Variants in TEKT4 observed in about 807,000 individuals in gnomAD.
TEKT4 encodes the protein tektin-4.
A neutral mutation model predicts 46.0 loss-of-function variants in TEKT4; 46 were observed. The ratio of observed to expected loss-of-function variants is 1.00; its 90% CI spans 0.79 to 1.28. The LOEUF is 1.28. Ranked by LOEUF, TEKT4 falls within the 50% of genes most tolerant of loss-of-function variation. The pLI, the probability that TEKT4 is intolerant of heterozygous loss-of-function variation, is 0.00. For synonymous variants in TEKT4, 325 were observed against 265.8 expected (o/e 1.22, Z -2.17); for missense variants, 790 against 622.9 (o/e 1.27, Z -2.85).
Position 94,871,994 on chromosome 2 carries a change from A to G in TEKT4, c.415A>G (p.Ile139Val), listed in dbSNP as rs1680591497. 5.6e-6 allele frequency: 9 copies of G among 1,599,062 alleles called. No homozygotes were observed. Among genetic ancestry groups the G allele is most frequent in the Admixed American group, 1.7e-5 (1 of 58,730 alleles). The change falls in exon 1 of 6, where the codon ATC becomes GTC. Residue 139 changes from isoleucine to valine, a missense_variant. Physicochemically the swap from Ile to Val is conservative, Grantham distance 29 (BLOSUM62 3). Transcript: ENST00000295201. ...GGACGCCACAGAGGTGCCCTTCTCC[A>G]TCACCACTGACAACCTGCAGTGCCG... ...ALDATEVPFS[I>V]TTDNLQCRER...
At position 94,876,534 on chromosome 2, in the gene TEKT4, AC is replaced by A. The variant is rs529845717; in HGVS notation, c.1092-12del. The A allele has an allele frequency of 2.4e-5, 38 of 1,587,830 alleles. 1 individual carries two copies. The Admixed American group carries it at 3.9e-4, about 16-fold the overall frequency. Reference sequence around the variant, plus strand: ...TCTGCCCTCCCTAGCCCCGGCTCACACCCCCCCAACACCCCCAGGCTGTTGA... The same window carrying A: ...TCTGCCCTCCCTAGCCCCGGCTCACACCCCCCAACACCCCCAGGCTGTTGA... On this transcript the variant is annotated intron_variant, in intron 5 of 5. Coordinates refer to ENST00000295201, the MANE Select transcript of TEKT4 (RefSeq NM_144705.4).
chr2:94,874,144 T>C (rs781826605), intron 3 of TEKT4, 36 bp downstream of exon 3: 1 of 1,601,616 alleles, frequency 6.2e-7, no homozygotes, highest in East Asian at 2.2e-5. Context: ...TTGCCCTGGC[T>C]GTGGTCTCGC....
chr2:94,872,126 G>GT, intron 1 of TEKT4, 49 bp downstream of exon 1: 1 of 1,347,298 alleles, frequency 7.4e-7, no homozygotes, highest in Non-Finnish European at 9.8e-7. Context: ...GAGAGGAGGA[G>GT]CCCCCCCCCC....
chr2:94,875,443 C>T, intron 4 of TEKT4, 145 bp from the exon 5 acceptor site: 4 of 1,244,084 alleles, frequency 3.2e-6, no homozygotes, highest in Middle Eastern at 2.9e-4. Context: ...GCACATTGTT[C>T]CCCTCATCCA....
intron 1 of TEKT4, chr2:94,872,811 C>T: frequency 1.6e-6 from 2 of 1,289,262 alleles, no homozygotes; most frequent in African/African-American, 1.5e-5. Context: ...CTTTACCCTT[C>T]TGCAGGCCCT....
rs1680653565 is a variant in TEKT4 at position 94,873,128 on chromosome 2, C to A, written c.499-392C>A. On this transcript the variant is annotated intron_variant, in intron 1 of 5. Coordinates refer to ENST00000295201, the MANE Select transcript of TEKT4 (RefSeq NM_144705.4). ...AGATGGCCTTTCCCAGCACAGAGCC[C>A]TGAGGGGCAGCCTGGGCGGGCATCT... The A allele has an allele frequency of 4.1e-6, 5 of 1,226,728 alleles. No homozygotes were observed. The South Asian group carries it at 7.5e-5, about 18-fold the overall frequency. The allele number at this position is 1,226,728 out of a possible 1,614,324, so 76.0% of individuals were successfully genotyped here.
intron 1 of TEKT4, chr2:94,872,924 C>T (rs1443641987): frequency 2.0e-5 from 26 of 1,289,312 alleles, no homozygotes; most frequent in African/African-American, 3.0e-5. Context: ...TGACAGTGCA[C>T]GGAGAGGCAA....
rs782586318 is a variant in TEKT4 at position 94,871,537 on chromosome 2, C to G, written c.-43C>G. 7.2e-6 allele frequency: 11 copies of G among 1,533,506 alleles called. No homozygotes were observed. The South Asian group carries it at 1.4e-4, about 19-fold the overall frequency. The allele number at this position is 1,533,506 out of a possible 1,614,324, so 95.0% of individuals were successfully genotyped here. On this transcript the variant is annotated 5_prime_UTR_variant, in exon 1 of 6. Transcript: ENST00000295201. ...TAGGCTGACCGCAACCGGCTGACCACACACAGTCCTCACTCCCCTGGCCCT... is the reference window on the plus strand; with the variant it reads ...TAGGCTGACCGCAACCGGCTGACCAGACACAGTCCTCACTCCCCTGGCCCT...
rs2104091682 is a variant in TEKT4, at chr2:94,871,431, G to A, written c.-149G>A. 2 of 1,006,852 alleles carry A rather than the reference G, an allele frequency of 2.0e-6. No individual in the cohort carries two copies. Among genetic ancestry groups the A allele is most frequent in the East Asian group, 2.6e-5 (1 of 37,860 alleles). 62.4% of individuals were successfully genotyped at this position (1,006,852 alleles called of 1,614,324 possible). A position where few individuals can be genotyped will look rare whatever the true frequency, so the allele number is the denominator to read the frequency against. On this transcript the variant is annotated 5_prime_UTR_variant, in exon 1 of 6. Transcript: ENST00000295201. ...GTTTCTTGGCAACAGGAAGCTCTTG[G>A]TTTACACAGTGTCACCCAAGCGACT...
intron 1 of TEKT4, chr2:94,872,874 T>A (rs1311109989): frequency 1.3e-5 from 17 of 1,289,024 alleles, no homozygotes; most frequent in Non-Finnish European, 1.7e-5. Flanking sequence ...CCGCAAACTC[T>A]CTGCCCGCAA....
rs1430916618 is a variant in TEKT4, at chr2:94,874,953, G to C, written c.891G>C (p.Glu297Asp). ...AVNLAFGRRCEELEDARYKLH... is the reference protein window; with the variant it reads ...AVNLAFGRRCDELEDARYKLH... ...ACCTGGCCTTCGGGCGCCGCTGTGA[G>C]GAGCTGGAGGACGCGCGGTACAAGC... Residue 297 changes from glutamate (E) to aspartate (D), a missense_variant, in exon 4 of 6, where the codon GAG becomes GAC. Transcript: ENST00000295201. The C allele has an allele frequency of 1.9e-6, 3 of 1,611,266 alleles. No individual in the cohort carries two copies. Among genetic ancestry groups the C allele is most frequent in the African/African-American group, 2.7e-5 (2 of 74,868 alleles).
chr2:94,874,311 G>A (rs1202733572), intron 3 of TEKT4, among the ~76,000 whole-genome samples: 1 of 152,216 alleles, frequency 6.6e-6, no homozygotes, highest in African/African-American at 2.4e-5. Flanking sequence ...GCTGCCGGCA[G>A]ACAGGACAGA....
chr2:94,876,637 C>T lies in TEKT4; in HGVS notation c.1176C>T (p.Asn392=). The T allele has an allele frequency of 6.2e-7, 1 of 1,613,260 alleles. No individual in the cohort carries two copies. The change falls in exon 6 of 6, where the codon AAC becomes AAT. Residue 392 remains asparagine (N), a synonymous_variant. Transcript: ENST00000295201. ...TAGAAGCGGAGCAGTCCCTGCGCAA[C>T]CTCGAGGACATCCACATGAGCCTGG... ...KLLEAEQSLR[N]LEDIHMSLEK...
chr2:94,874,681 A>G, intron 3 of TEKT4, 95 bp from the exon 4 acceptor site: 1 of 1,144,654 alleles, frequency 8.7e-7, no homozygotes, highest in Non-Finnish European at 1.2e-6. Context: ...GTCCTCCAGG[A>G]GCATGGGGCG....
In TEKT4 at chr2:94,874,911, C is replaced by T; in HGVS notation, c.849C>T (p.Leu283=). 1 of 1,612,166 alleles carries T rather than the reference C, an allele frequency of 6.2e-7. No individual in the cohort carries two copies. The highest frequency in any genetic ancestry group is 8.5e-7 in the Non-Finnish European group (1 of 1,179,600). The change falls in exon 4 of 6, where the codon CTC becomes CTT. Residue 283 remains leucine, a synonymous_variant. Coordinates refer to ENST00000295201, the MANE Select transcript of TEKT4 (RefSeq NM_144705.4). ...GCGACACCTCCGAGGACCTGCGGCT[C>T]CAGTGCGACGCCGTGAACCTGGCCT... is the stretch of plus-strand genomic sequence containing the variant. ...ILRDTSEDLR[L]QCDAVNLAFG...
At chr2:94,875,074 C>T (rs1680779859) in intron 4 of TEKT4, 76 bp downstream of exon 4, 2 of 1,413,858 alleles carry the variant, frequency 1.4e-6, no homozygotes, top group Non-Finnish European at 9.5e-7. Context: ...CTCCTCTGTC[C>T]CATTTATCCC....
chr2:94,876,817 A>C lies in TEKT4; in HGVS notation c.*48A>C. On this transcript the variant is annotated 3_prime_UTR_variant, in exon 6 of 6. Transcript: ENST00000295201. ...CAGTCCCCCAAATAAACAGCGCGTT[A>C]GCTTTCTGCACAGTGTGTGTGTGTG... The C allele has an allele frequency of 6.5e-7, 1 of 1,540,836 alleles. No homozygotes were observed. The highest frequency in any genetic ancestry group is 8.8e-7 in the Non-Finnish European group (1 of 1,133,880).
chr2:94,874,151 T>C, intron 3 of TEKT4, 43 bp downstream of exon 3: 1 of 1,595,712 alleles, frequency 6.3e-7, no homozygotes. Context: ...GGCTGTGGTC[T>C]CGCCTCCCTC....
chr2:94,875,793 CCT>C (rs1553396366), intron 5 of TEKT4, 51 bp downstream of exon 5: 1 of 1,573,446 alleles, frequency 6.4e-7, no homozygotes. Context: ...CCACCTCCTC[CCT>C]GTGACTCTCT....
Sources: gnomAD v4.1 joint callset for allele counts (sites outside exome capture counted in the v4.1 genomes callset) on GRCh38, gnomAD v4.1.1 for gene constraint, MANE v1.5 for transcripts, NCBI Gene and HGNC (gene_info 2026-07-23, HGNC 2026-07-21) for gene names.